Variants in DPP3 observed in about 807,000 individuals in gnomAD.
DPP3 encodes the protein DPP III.
A neutral mutation model predicts 89.8 loss-of-function variants in DPP3; 64 were observed. The observed-to-expected ratio is 0.71, with a 90% CI of 0.58 to 0.88. DPP3 has a LOEUF of 0.88. Among genes scored for constraint, DPP3 ranks in the 40% least tolerant of loss-of-function variants. The pLI is 0.00. For missense variants in DPP3, 835 were observed against 972.5 expected (o/e 0.86, Z 1.88); for synonymous variants, 377 against 404.3 (o/e 0.93, Z 0.81).
intron 1 of DPP3, chr11:66,480,674 C>G (rs976354690): frequency 2.0e-6 from 1 of 489,836 alleles, no homozygotes; most frequent in Non-Finnish European, 3.3e-6. Flanking sequence ...TGGGGCGGGG[C>G]TTCTGGAGGC....
Position 66,493,075 on chromosome 11 carries a change from C to T in DPP3, c.1192C>T (p.Leu398=), listed in dbSNP as rs1431397514. ...AGINIPNYDD[L]RQTEGFKNVS... ...TTCTCCACCTTCTCCAGACGATGAT[C>T]TGAGGCAGACGGAAGGCTTTAAGAA... The change falls in exon 11 of 18, where the codon CTG becomes TTG. Residue 398 remains leucine (L), a synonymous_variant. Coordinates refer to ENST00000531863, the MANE Select transcript of DPP3 (RefSeq NM_130443.4). The T allele has an allele frequency of 3.1e-6, 5 of 1,614,052 alleles. No individual in the cohort carries two copies. In the African/African-American group the frequency reaches 5.3e-5, roughly 17 times the overall value.
chr11:66,499,643 G>A (rs543826982), intron 16 of DPP3, among the ~76,000 whole-genome samples: 2 of 152,036 alleles, frequency 1.3e-5, no homozygotes, highest in African/African-American at 4.8e-5. Context: ...GGTGGCAGGC[G>A]CCTGTAATCC....
intron 16 of DPP3, among the ~76,000 whole-genome samples, chr11:66,498,823 G>A (rs1479102860): frequency 6.6e-6 from 1 of 151,772 alleles, no homozygotes; most frequent in Non-Finnish European, 1.5e-5. Context: ...GACCAGCCTG[G>A]GCAACATAGT....
At chr11:66,493,309 T>G in intron 11 of DPP3, 130 bp downstream of exon 11, 2 of 872,222 alleles carry the variant, frequency 2.3e-6, no homozygotes, top group Non-Finnish European at 3.5e-6. Context: ...TTCCCAACCA[T>G]GTGACCGTGT....
intron 1 of DPP3, among the ~76,000 whole-genome samples, chr11:66,481,799 C>T (rs1855090563): frequency 1.3e-5 from 2 of 152,088 alleles, no homozygotes; most frequent in Admixed American, 1.3e-4. Flanking sequence ...AGGTGCCTGG[C>T]ACCAAGCCTG....
At position 66,503,657 on chromosome 11, in the gene DPP3, C is replaced by A. The variant is rs182581003; in HGVS notation, c.1879-955C>A. ...ATCCCAGCACTTTGGGAGGCCGGGG[C>A]GGGGCAGATCTCGAGATCAGGAGAT... On this transcript the variant is annotated intron_variant, in intron 16 of 17. Transcript: ENST00000531863. Among the ~76,000 whole-genome samples, 519 of 152,084 alleles carry A rather than the reference C, an allele frequency of 3.4e-3. 4 individuals are homozygous for A. The highest frequency in any genetic ancestry group is 0.012 in the African/African-American group (497 of 41,494).
At chr11:66,504,900 T>C (rs1364291266) in intron 17 of DPP3, 126 bp downstream of exon 17, 12 of 1,086,248 alleles carry the variant, frequency 1.1e-5, no homozygotes, top group East Asian at 2.8e-5. Context: ...GGCCCTTCCC[T>C]TTCTGCCAAG....
chr11:66,482,377 C>T lies in DPP3; in HGVS notation c.177C>T (p.Ile59=). 6.2e-7 allele frequency: 1 copy of T among 1,612,364 alleles called. No individual in the cohort carries two copies. The highest frequency in any genetic ancestry group is 8.5e-7 in the Non-Finnish European group (1 of 1,180,030). The change falls in exon 2 of 18, where the codon ATC becomes ATT. Residue 59 remains isoleucine, a synonymous_variant. Coordinates refer to ENST00000531863, the MANE Select transcript of DPP3 (RefSeq NM_130443.4). ...LLQTSPEAPY[I]YALLSRLFRA... ...AGACCTCCCCTGAGGCCCCCTACATCTATGCTCTGCTCAGCCGCCTCTTCC... is the reference window on the plus strand; with the variant it reads ...AGACCTCCCCTGAGGCCCCCTACATTTATGCTCTGCTCAGCCGCCTCTTCC...
chr11:66,506,587 A>G (rs1212318498), intron 17 of DPP3, among the ~76,000 whole-genome samples: 2 of 151,822 alleles, frequency 1.3e-5, no homozygotes, highest in East Asian at 1.9e-4. Context: ...CTCATTCTAG[A>G]TGCTTTTCCA....
chr11:66,498,512 A>C (rs1192577612), intron 16 of DPP3, among the ~76,000 whole-genome samples: 1 of 152,218 alleles, frequency 6.6e-6, no homozygotes, highest in Non-Finnish European at 1.5e-5. Flanking sequence ...TACAGGTGTG[A>C]GGCACTGTGC....
At chr11:66,492,553 C>A in intron 9 of DPP3, 163 bp from the exon 10 acceptor site, 1 of 788,336 alleles carries the variant, frequency 1.3e-6, no homozygotes, top group Non-Finnish European at 2.0e-6. Context: ...CTGTCCAGGT[C>A]CTGACCCAGT....
chr11:66,498,120 GTCTC>G (rs1330363963), intron 16 of DPP3, among the ~76,000 whole-genome samples: 1 of 145,630 alleles, frequency 6.9e-6, no homozygotes, highest in Non-Finnish European at 1.5e-5. Context: ...TTGAGACAGG[GTCTC>G]GCTCTGTCGC....
chr11:66,486,540 GA>G lies in DPP3; in HGVS notation c.365del (p.Lys122SerfsTer5). The G allele has an allele frequency of 2.7e-6, 4 of 1,504,734 alleles. No homozygotes were observed. The highest frequency in any genetic ancestry group is 1.4e-5 in the African/African-American group (1 of 70,342). 93.2% of individuals were successfully genotyped at this position (1,504,734 alleles called of 1,614,324 possible). ...DTKFVPNLPK[E>X]KLERVILGSE... Reference sequence around the variant, plus strand: ...GCCATTGGCCTCCCTTTCCTTGCAGGAAAAGCTGGAACGGGTGATCCTAGGG... The same window carrying G: ...GCCATTGGCCTCCCTTTCCTTGCAGGAAAGCTGGAACGGGTGATCCTAGGG... On this transcript the variant is annotated frameshift_variant and splice_region_variant, in exon 4 of 18. Transcript: ENST00000531863. LOFTEE classifies it high-confidence loss of function.
At chr11:66,480,588 C>T (rs1290495284) in intron 1 of DPP3, 123 bp downstream of exon 1, 2 of 1,181,272 alleles carry the variant, frequency 1.7e-6, no homozygotes, top group African/African-American at 1.6e-5. Flanking sequence ...TCCAAATTCA[C>T]CCCGCCCTCG....
chr11:66,488,525 G>A (rs892024885), intron 6 of DPP3, among the ~76,000 whole-genome samples: 10 of 146,982 alleles, frequency 6.8e-5, no homozygotes, highest in Non-Finnish European at 1.5e-4. Context: ...TCTTACCACT[G>A]CACTCCAACC....
chr11:66,482,268 T>TCCGCCTGCTGTCACCCACA lies in DPP3; in HGVS notation c.69_87dup (p.Glu30ProfsTer32). 1.2e-6 allele frequency: 2 copies of TCCGCCTGCTGTCACCCACA among 1,614,190 alleles called. No individual in the cohort carries two copies. Among genetic ancestry groups the TCCGCCTGCTGTCACCCACA allele is most frequent in the Non-Finnish European group, 1.7e-6 (2 of 1,180,030 alleles). ...TCTAGCCTGGACTGCCGTGAGGCCT[T>TCCGCCTGCTGTCACCCACA]CCGCCTGCTGTCACCCACAGAGCGC... On this transcript the variant is annotated frameshift_variant, in exon 2 of 18. Transcript: ENST00000531863. LOFTEE classifies it high-confidence loss of function.
At position 66,487,273 on chromosome 11, in the gene DPP3, C is replaced by T. The variant is rs199771002; in HGVS notation, c.504C>T (p.Ile168=). 1.9e-6 allele frequency: 3 copies of T among 1,613,994 alleles called. No homozygotes were observed. Among genetic ancestry groups the T allele is most frequent in the East Asian group, 2.2e-5 (1 of 44,890 alleles). ...TCCCCTGTCTTCCCCAACAGGGAAT[C>T]ACCACCTATTTCTCTGGGAATTGTA... is the stretch of plus-strand genomic sequence containing the variant. ...LRHLGLGKEG[I]TTYFSGNCTM... Residue 168 remains isoleucine (I), a synonymous_variant, in exon 5 of 18, where the codon ATC becomes ATT. Transcript: ENST00000531863.
chr11:66,484,926 G>A (rs1855181570), intron 2 of DPP3, among the ~76,000 whole-genome samples: 1 of 152,184 alleles, frequency 6.6e-6, no homozygotes, highest in Non-Finnish European at 1.5e-5. Context: ...GGAAAAGGCA[G>A]ACGAATGCTT....
At chr11:66,484,077 A>G (rs1855159094) in intron 2 of DPP3, among the ~76,000 whole-genome samples, 1 of 151,924 alleles carries the variant, frequency 6.6e-6, no homozygotes, top group African/African-American at 2.4e-5. Context: ...TCCCTGGTTC[A>G]AGCGATTCTC....
Sources: gnomAD v4.1 joint callset for allele counts (sites outside exome capture counted in the v4.1 genomes callset) on GRCh38, gnomAD v4.1.1 for gene constraint, MANE v1.5 for transcripts, NCBI Gene and HGNC (gene_info 2026-07-23, HGNC 2026-07-21) for gene names.